The following FBXO28 variants were observed in gnomAD, a reference collection of about 807,000 sequenced individuals.
FBXO28 encodes the protein F-box only protein 28.
Under a neutral mutation model 38.1 loss-of-function variants are expected in FBXO28, and 8 were observed. That is an observed-to-expected ratio of 0.21 (90% CI 0.12 to 0.38). The LOEUF (loss-of-function observed/expected upper bound fraction) is 0.38. Among genes scored for constraint, FBXO28 ranks in the 10% least tolerant of loss-of-function variants. The probability of loss-of-function intolerance (pLI) is 1.00; values close to 1 mark genes in which losing one functional copy is unlikely to be tolerated. For synonymous variants in FBXO28, 168 were observed against 173.8 expected, an observed-to-expected ratio of 0.97 and a Z score of 0.26; for missense variants, 345 against 460.6, an observed-to-expected ratio of 0.75 and a Z score of 2.30.
rs1451126473 is a variant in FBXO28 at position 224,161,919 on chromosome 1, A to T, written c.*4173A>T. On this transcript the variant is annotated 3_prime_UTR_variant, in exon 5 of 5. Coordinates refer to ENST00000366862, the MANE Select transcript of FBXO28 (RefSeq NM_015176.4). ...GTACCATGTCTGTTTACCTATGCTTATGAGCAACAATAAATTACTAGTTTA... is the reference window on the plus strand; with the variant it reads ...GTACCATGTCTGTTTACCTATGCTTTTGAGCAACAATAAATTACTAGTTTA... 6.6e-6 allele frequency: 1 copy of T among 152,238 alleles called. No homozygotes were observed. The highest frequency in any genetic ancestry group is 1.5e-5 in the Non-Finnish European group (1 of 68,040). 9.4% of individuals were successfully genotyped at this position (152,238 alleles called of 1,614,324 possible).
In FBXO28 at chr1:224,135,626, A is replaced by AG. The variant is rs1553290000; in HGVS notation, c.516+1414_516+1415insG. Reference sequence around the variant, plus strand: ...GACTCTGTCTCAAAAAAAAAAAAAAAAAAAAAAAAGAAAAAGAAAAAGAAA... The same window carrying AG: ...GACTCTGTCTCAAAAAAAAAAAAAAAGAAAAAAAAAGAAAAAGAAAAAGAAA... On this transcript the variant is annotated intron_variant, in intron 3 of 4. Coordinates refer to ENST00000366862, the MANE Select transcript of FBXO28 (RefSeq NM_015176.4). Among the ~76,000 whole-genome samples the AG allele has an allele frequency of 1.9e-3, 198 of 102,352 alleles. 1 individual carries two copies. The highest frequency in any genetic ancestry group is 5.0e-3 in the Middle Eastern group (1 of 202). 67.1% of individuals were successfully genotyped at this position (102,352 alleles called of 152,430 possible). A position where few individuals can be genotyped will look rare whatever the true frequency, so the allele number is the denominator to read the frequency against.
chr1:224,151,434 A>G (rs1657645178), intron 3 of FBXO28, among the ~76,000 whole-genome samples: 1 of 152,216 alleles, frequency 6.6e-6, no homozygotes. Context: ...TTAAGCATAC[A>G]TCATGCTCCA....
In FBXO28 at chr1:224,157,393, T is replaced by G; in HGVS notation, c.754T>G (p.Ser252Ala). The G allele has an allele frequency of 1.2e-6, 2 of 1,614,026 alleles. No homozygotes were observed. Among genetic ancestry groups the G allele is most frequent in the Non-Finnish European group, 1.7e-6 (2 of 1,179,958 alleles). ...AGCCCTAACAACAATGCAGCTCTTC[T>G]CCAAGCAAAATCCTTCAAGACAAGA... ...SAALTTMQLFSKQNPSRQEVT... is the reference protein window; with the variant it reads ...SAALTTMQLFAKQNPSRQEVT... Residue 252 changes from serine (S) to alanine (A), a missense_variant, in exon 5 of 5, where the codon TCC (serine) becomes GCC (alanine). This residue lies in a region of FBXO28 where 151 missense variants were observed against 188.3 expected (regional missense o/e 0.80). Coordinates refer to ENST00000366862, the MANE Select transcript of FBXO28 (RefSeq NM_015176.4).
At chr1:224,145,449 C>A (rs1377083145) in intron 3 of FBXO28, among the ~76,000 whole-genome samples, 1 of 151,940 alleles carries the variant, frequency 6.6e-6, no homozygotes, top group Non-Finnish European at 1.5e-5. Context: ...CACTTAAAGT[C>A]GGGATTTTCA....
chr1:224,139,799 TA>T (rs1157302105), intron 3 of FBXO28, among the ~76,000 whole-genome samples: 1 of 151,722 alleles, frequency 6.6e-6, no homozygotes, highest in African/African-American at 2.4e-5. Flanking sequence ...CATACATACA[TA>T]CATTTTGGCC....
intron 3 of FBXO28, among the ~76,000 whole-genome samples, chr1:224,144,735 G>A (rs1657456813): frequency 6.6e-6 from 1 of 152,144 alleles, no homozygotes; most frequent in South Asian, 2.1e-4. Flanking sequence ...ACTCCAGCCT[G>A]GTGACAGAGC....
intron 3 of FBXO28, among the ~76,000 whole-genome samples, chr1:224,139,783 T>TACATACAG: frequency 6.6e-6 from 1 of 151,654 alleles, no homozygotes; most frequent in Admixed American, 6.6e-5. Context: ...CATACATACA[T>TACATACAG]ACATACATAC....
chr1:224,147,074 C>T (rs531702930), intron 3 of FBXO28, among the ~76,000 whole-genome samples: 9 of 151,660 alleles, frequency 5.9e-5, no homozygotes, highest in South Asian at 4.2e-4. Flanking sequence ...TTCAACCAAC[C>T]GTGGATAGAA....
intron 3 of FBXO28, 31 bp from the exon 4 acceptor site, chr1:224,153,111 C>A: frequency 6.5e-7 from 1 of 1,548,128 alleles, no homozygotes; most frequent in South Asian, 1.3e-5. Context: ...AAAGAAAAAT[C>A]TAAAGTGCTA....
chr1:224,142,549 C>T (rs1165888262), intron 3 of FBXO28, among the ~76,000 whole-genome samples: 2 of 152,048 alleles, frequency 1.3e-5, no homozygotes, highest in African/African-American at 2.4e-5. Flanking sequence ...GGCTCAGTGG[C>T]TCACGCCTGT....
intron 3 of FBXO28, among the ~76,000 whole-genome samples, chr1:224,150,566 T>C (rs975558779): frequency 2.6e-5 from 4 of 152,164 alleles, no homozygotes; most frequent in Admixed American, 2.0e-4. Flanking sequence ...TCCACAAATA[T>C]TTACTCTTTG....
intron 3 of FBXO28, among the ~76,000 whole-genome samples, chr1:224,147,237 A>C (rs1169192269): frequency 6.6e-6 from 1 of 151,666 alleles, no homozygotes. Flanking sequence ...AGCCTGACCA[A>C]TATGGTGAAC....
intron 1 of FBXO28, among the ~76,000 whole-genome samples, chr1:224,127,094 C>T (rs569504542): frequency 6.6e-6 from 1 of 151,794 alleles, no homozygotes; most frequent in Non-Finnish European, 1.5e-5. Context: ...CACTGGTTCT[C>T]AAAGTGTGGT....
chr1:224,128,230 T>TTA (rs1553288943), intron 1 of FBXO28, among the ~76,000 whole-genome samples: 226 of 147,814 alleles, frequency 1.5e-3, no homozygotes, highest in Middle Eastern at 3.5e-3. Flanking sequence ...CATGTCTTTT[T>TTA]TTATTATTAT....
At chr1:224,138,832 A>G (rs1388547312) in intron 3 of FBXO28, among the ~76,000 whole-genome samples, 1 of 151,642 alleles carries the variant, frequency 6.6e-6, no homozygotes, top group Admixed American at 6.6e-5. Flanking sequence ...CACCCACCTC[A>G]GCCTCCAGCT....
chr1:224,130,610 G>A (rs1219916371), intron 2 of FBXO28, 29 bp downstream of exon 2: 12 of 1,459,834 alleles, frequency 8.2e-6, no homozygotes, highest in South Asian at 3.5e-5. Context: ...TGACAATGAT[G>A]TACAGTTGGT....
rs1482274533 is a variant in FBXO28, at chr1:224,114,167, G to A, written c.38G>A (p.Gly13Glu). ...AAAEERMAEE[G>E]GGGQGDGGSS... is the part of the protein sequence containing the mutation. ...GCGGAGGAGCGGATGGCAGAGGAAG[G>A]AGGCGGCGGCCAAGGCGACGGCGGT... is the stretch of plus-strand genomic sequence containing the variant. Residue 13 changes from glycine (G) to glutamate (E), a missense_variant, in exon 1 of 5, where the codon GGA becomes GAA. By Grantham distance (98) the Gly-to-Glu change is moderately conservative. Transcript: ENST00000366862. 3 of 1,546,808 alleles carry A rather than the reference G, an allele frequency of 1.9e-6. No individual in the cohort carries two copies. Among genetic ancestry groups the A allele is most frequent in the East Asian group, 2.5e-5 (1 of 40,806 alleles).
At chr1:224,118,193 C>T (rs149736307) in intron 1 of FBXO28, among the ~76,000 whole-genome samples, 1,727 of 151,792 alleles carry the variant, frequency 0.011, 38 homozygotes, top group African/African-American at 0.039. Context: ...TCAAGTGGTC[C>T]GCCCACCTCA....
intron 4 of FBXO28, among the ~76,000 whole-genome samples, chr1:224,153,554 C>A (rs1383843171): frequency 1.3e-5 from 2 of 152,196 alleles, no homozygotes; most frequent in Non-Finnish European, 1.5e-5. Context: ...CTCTGAAGAA[C>A]AATCTGAGCG....
Sources: allele counts gnomAD v4.1 joint callset (sites outside exome capture counted in the v4.1 genomes callset), GRCh38; gene constraint gnomAD v4.1.1; regional missense constraint gnomAD v4.1.1; transcripts MANE v1.5; gene names NCBI Gene and HGNC (gene_info 2026-07-23, HGNC 2026-07-21).